PRDM6: variants seen among roughly 807,000 people sequenced by gnomAD.
PRDM6 encodes the protein PR/SET domain 6.
A neutral mutation model predicts 60.8 loss-of-function variants in PRDM6; 25 were observed. That is an observed-to-expected ratio of 0.41 (90% CI 0.30 to 0.57). PRDM6 has a LOEUF of 0.57. PRDM6 is among the 20% of genes least tolerant of loss of function. PRDM6 has a pLI of 0.27. For missense variants in PRDM6, 839 were observed against 821.3 expected, an observed-to-expected ratio of 1.02 and a Z score of -0.26; for synonymous variants, 407 against 357.4, an observed-to-expected ratio of 1.14 and a Z score of -1.57.
At chr5:123,151,603 G>C (rs977723875) in intron 3 of PRDM6, among the ~76,000 whole-genome samples, 16 of 152,128 alleles carry the variant, frequency 1.1e-4, no homozygotes, top group Non-Finnish European at 2.4e-4. Context: ...ATAAATGGAT[G>C]GGGTTGGAAC....
intron 7 of PRDM6, among the ~76,000 whole-genome samples, chr5:123,180,633 G>A (rs544964342): frequency 6.6e-6 from 1 of 152,162 alleles, no homozygotes; most frequent in South Asian, 2.1e-4. Flanking sequence ...AGTCCCTGAT[G>A]ATCTGTGCTT....
rs1183011703 is a variant in PRDM6 at position 123,159,540 on chromosome 5, T to C, written c.1055T>C (p.Ile352Thr). 1.9e-6 allele frequency: 3 copies of C among 1,551,502 alleles called. No individual in the cohort carries two copies. Among genetic ancestry groups the C allele is most frequent in the Non-Finnish European group, 8.7e-7 (1 of 1,146,842 alleles). ...YRSNIFYRAC[I>T]DIPRGTELLV... ...TCGAATATATTCTACCGAGCCTGTA[T>C]AGATATCCCTAGGGGCACCGAGCTT... Residue 352 changes from isoleucine (I) to threonine (T), a missense_variant, in exon 5 of 8, where the codon ATA becomes ACA. By Grantham distance (89) the Ile-to-Thr change is moderately conservative. Coordinates refer to ENST00000407847, the MANE Select transcript of PRDM6 (RefSeq NM_001136239.4).
chr5:123,133,491 A>T (rs1055931789), intron 3 of PRDM6, among the ~76,000 whole-genome samples: 21 of 152,118 alleles, frequency 1.4e-4, no homozygotes, highest in African/African-American at 5.1e-4. Context: ...CTTTTTTATT[A>T]AAAGTCAGAA....
At chr5:123,142,903 C>CAAAAAAAAAAA (rs1337695138) in intron 3 of PRDM6, among the ~76,000 whole-genome samples, 1 of 68,128 alleles carries the variant, frequency 1.5e-5, no homozygotes. Flanking sequence ...AAAAAAAAAA[C>CAAAAAAAAAAA]AAACAAACCA....
rs964885551 is a variant in PRDM6 at position 123,131,877 on chromosome 5, C to T, written c.901-24007C>T. On this transcript the variant is annotated intron_variant, in intron 3 of 7. Coordinates refer to ENST00000407847, the MANE Select transcript of PRDM6 (RefSeq NM_001136239.4). ...TTGTTTCTAGGACTACCTAGGGTTGCATATCAGCTCTGTTCCTTACTAGAA... is the reference window on the plus strand; with the variant it reads ...TTGTTTCTAGGACTACCTAGGGTTGTATATCAGCTCTGTTCCTTACTAGAA... Among the ~76,000 whole-genome samples, 133 of 152,312 alleles carry T rather than the reference C, an allele frequency of 8.7e-4. 3 individuals carry two copies. Among genetic ancestry groups the T allele is most frequent in the Non-Finnish European group, 8.8e-5 (6 of 68,024 alleles).
chr5:123,099,543 T>A lies in PRDM6; in HGVS notation c.593-111T>A. On this transcript the variant is annotated intron_variant, in intron 2 of 7. Transcript: ENST00000407847. The surrounding 1 kb of genome is among the most constrained non-coding windows in gnomAD (Gnocchi z 4.0). ...AGGCATCACCTTCCTCGAAGGTGGC[T>A]TACCCAGGCGGGCGGTGATGCTGTT... 1 of 1,032,494 alleles carries A rather than the reference T, an allele frequency of 9.7e-7. No homozygotes were observed. Among genetic ancestry groups the A allele is most frequent in the Non-Finnish European group, 1.3e-6 (1 of 745,694 alleles). 64.0% of individuals were successfully genotyped at this position (1,032,494 alleles called of 1,614,324 possible).
intron 2 of PRDM6, among the ~76,000 whole-genome samples, chr5:123,094,033 C>A (rs559270039): frequency 1.3e-5 from 2 of 151,884 alleles, no homozygotes; most frequent in African/African-American, 4.8e-5. Flanking sequence ...CTGGAAACAG[C>A]GCCGGTGTGT....
intron 6 of PRDM6, among the ~76,000 whole-genome samples, chr5:123,177,291 C>T (rs1176784377): frequency 6.6e-6 from 1 of 152,156 alleles, no homozygotes; most frequent in Non-Finnish European, 1.5e-5. Flanking sequence ...ATCTTGTCTA[C>T]TTACAGTGTA....
chr5:123,098,202 G>T (rs1046587328), intron 2 of PRDM6, among the ~76,000 whole-genome samples: 1 of 152,240 alleles, frequency 6.6e-6, no homozygotes, highest in East Asian at 1.9e-4. Context: ...GCTGGCGGCG[G>T]CAGGTACCCG....
At chr5:123,106,403 C>T (rs2150210624) in intron 3 of PRDM6, among the ~76,000 whole-genome samples, 1 of 152,230 alleles carries the variant, frequency 6.6e-6, no homozygotes, top group South Asian at 2.1e-4. Context: ...TGTGGCCGGG[C>T]CTCCTGACTC....
At chr5:123,135,614 C>T (rs938956001) in intron 3 of PRDM6, among the ~76,000 whole-genome samples, 4 of 152,164 alleles carry the variant, frequency 2.6e-5, no homozygotes, top group African/African-American at 9.7e-5. Flanking sequence ...CTGCAACTCC[C>T]TAGCCTAGAG....
chr5:123,102,379 T>C (rs1764123140), intron 3 of PRDM6, among the ~76,000 whole-genome samples: 1 of 152,180 alleles, frequency 6.6e-6, no homozygotes, highest in Non-Finnish European at 1.5e-5. Flanking sequence ...AATTGTTACA[T>C]TTATAATACA....
rs188389734 is a variant in PRDM6, at chr5:123,159,531, G to A, written c.1046G>A (p.Arg349Gln). The A allele has an allele frequency of 5.8e-4, 897 of 1,551,292 alleles. 7 individuals carry two copies. The African/African-American group carries it at 0.011, about 19-fold the overall frequency. The part of the protein sequence containing the change: ...VVQYRSNIFY[R>Q]ACIDIPRGTE... Reference sequence around the variant, plus strand: ...TTGAATAGGTCGAATATATTCTACCGAGCCTGTATAGATATCCCTAGGGGC... The same window carrying A: ...TTGAATAGGTCGAATATATTCTACCAAGCCTGTATAGATATCCCTAGGGGC... The change falls in exon 5 of 8, where the codon CGA (arginine) becomes CAA (glutamine). Residue 349 changes from arginine (R) to glutamine (Q), a missense_variant. This residue lies in a region of PRDM6 where 730 missense variants were observed against 648.8 expected (regional missense o/e 1.13). Transcript: ENST00000407847.
chr5:123,129,665 TC>T (rs1413023308), intron 3 of PRDM6, among the ~76,000 whole-genome samples: 1 of 152,214 alleles, frequency 6.6e-6, no homozygotes, highest in Non-Finnish European at 1.5e-5. Flanking sequence ...TGTAGGTCTA[TC>T]CTAAATTCAC....
intron 2 of PRDM6, among the ~76,000 whole-genome samples, chr5:123,094,722 C>A (rs1003075236): frequency 1.3e-5 from 2 of 152,064 alleles, no homozygotes; most frequent in Non-Finnish European, 2.9e-5. Context: ...CAGCCCAGAC[C>A]CGCTTCGATC....
intron 2 of PRDM6, among the ~76,000 whole-genome samples, chr5:123,098,473 G>A (rs1764012118): frequency 6.6e-6 from 1 of 152,370 alleles, no homozygotes; most frequent in East Asian, 1.9e-4. Context: ...TAATAACCCG[G>A]AGGGCGCTGC....
At position 123,191,766 on chromosome 5, in the gene PRDM6, A is replaced by G. The variant is rs1002803367; in HGVS notation, c.*4565A>G. 2 of 152,174 alleles carry G rather than the reference A, an allele frequency of 1.3e-5. No individual in the cohort carries two copies. Among genetic ancestry groups the G allele is most frequent in the African/African-American group, 4.8e-5 (2 of 41,450 alleles). 9.4% of individuals were successfully genotyped at this position (152,174 alleles called of 1,614,324 possible). A position where few individuals can be genotyped will look rare whatever the true frequency, so the allele number is the denominator to read the frequency against. On this transcript the variant is annotated 3_prime_UTR_variant, in exon 8 of 8. Coordinates refer to ENST00000407847, the MANE Select transcript of PRDM6 (RefSeq NM_001136239.4). The stretch of plus-strand genomic sequence containing the variant: ...AAAACAACAACGCAGGTTACTAGGA[A>G]GGCACCTATTTCAGCCCTCCCCAAG...
rs1766457062 is a variant in PRDM6, at chr5:123,192,778, T to C, written c.*5577T>C. On this transcript the variant is annotated 3_prime_UTR_variant, in exon 8 of 8. Coordinates refer to ENST00000407847, the MANE Select transcript of PRDM6 (RefSeq NM_001136239.4). ...CTAAGTGAAATCTCGTTTTCTTTCT[T>C]TGTTCTGACTGAATGCTAAGTGAGT... The C allele has an allele frequency of 6.6e-6, 1 of 152,208 alleles. No individual in the cohort carries two copies. The highest frequency in any genetic ancestry group is 1.5e-5 in the Non-Finnish European group (1 of 68,044). 9.4% of individuals were successfully genotyped at this position (152,208 alleles called of 1,614,324 possible).
chr5:123,118,183 A>G (rs902906110), intron 3 of PRDM6, among the ~76,000 whole-genome samples: 2 of 152,228 alleles, frequency 1.3e-5, no homozygotes, highest in Non-Finnish European at 2.9e-5. Context: ...CAGGTTTTTC[A>G]GGATTAGTGT....
Sources: allele counts gnomAD v4.1 joint callset (sites outside exome capture counted in the v4.1 genomes callset), GRCh38; gene constraint gnomAD v4.1.1; regional missense constraint gnomAD v4.1.1; non-coding constraint Gnocchi (gnomAD v3.1); transcripts MANE v1.5; gene names NCBI Gene and HGNC (gene_info 2026-07-23, HGNC 2026-07-21).